The following LRRTM4 variants were observed in gnomAD, a reference collection of about 807,000 sequenced individuals.
The protein encoded by LRRTM4 is leucine-rich repeat transmembrane neuronal protein 4.
LRRTM4 carries 25 observed loss-of-function variants against 47.6 expected under a neutral mutation model. That is an observed-to-expected ratio of 0.53 (90% confidence interval 0.38 to 0.73). The LOEUF is 0.73. Among genes scored for constraint, LRRTM4 ranks in the 30% least tolerant of loss-of-function variants. LRRTM4 has a pLI of 0.00. For synonymous variants in LRRTM4, 311 were observed against 269.5 expected, an observed-to-expected ratio of 1.15 and a Z score of -1.51; for missense variants, 638 against 713.4, an observed-to-expected ratio of 0.89 and a Z score of 1.20.
At chr2:76,804,082 T>A (rs1485597196) in intron 3 of LRRTM4, among the ~76,000 whole-genome samples, 1 of 152,096 alleles carries the variant, frequency 6.6e-6, no homozygotes, top group Non-Finnish European at 1.5e-5. Flanking sequence ...TTACTCCGAG[T>A]GCTGTTTTTC....
At chr2:77,492,782 G>A (rs1423113229) in intron 3 of LRRTM4, among the ~76,000 whole-genome samples, 2 of 151,866 alleles carry the variant, frequency 1.3e-5, no homozygotes, top group Admixed American at 6.6e-5. Context: ...ATAAGCAAAA[G>A]GCAAGACAAA....
At chr2:77,083,633 T>C (rs950503192) in intron 3 of LRRTM4, among the ~76,000 whole-genome samples, 6 of 152,196 alleles carry the variant, frequency 3.9e-5, no homozygotes, top group African/African-American at 1.4e-4. Context: ...ATTCACATAC[T>C]GTAGTTTTCT....
intron 3 of LRRTM4, among the ~76,000 whole-genome samples, chr2:76,808,915 A>T (rs1186050561): frequency 6.6e-6 from 1 of 152,202 alleles, no homozygotes. Flanking sequence ...TAGCAGAGAC[A>T]GTAAAGAATT....
At chr2:77,043,755 T>G (rs1679117463) in intron 3 of LRRTM4, among the ~76,000 whole-genome samples, 1 of 151,822 alleles carries the variant, frequency 6.6e-6, no homozygotes, top group African/African-American at 2.4e-5. Flanking sequence ...GAATTCCTCT[T>G]GCAAATATCC....
chr2:77,035,269 AAAC>A (rs1481110327), intron 3 of LRRTM4, among the ~76,000 whole-genome samples: 72 of 151,630 alleles, frequency 4.7e-4, no homozygotes, highest in African/African-American at 9.2e-4. Flanking sequence ...AAAAACAAAC[AAAC>A]AAACAAACAA....
At chr2:77,351,614 T>TTATA (rs71656252) in intron 3 of LRRTM4, among the ~76,000 whole-genome samples, 7,406 of 135,292 alleles carry the variant, frequency 0.055, 211 homozygotes, top group Admixed American at 0.07. Context: ...CATGACAAAT[T>TTATA]TATATATATA....
At chr2:77,337,682 C>T (rs2104267466) in intron 3 of LRRTM4, among the ~76,000 whole-genome samples, 1 of 152,172 alleles carries the variant, frequency 6.6e-6, no homozygotes, top group Admixed American at 6.5e-5. Flanking sequence ...CTGAGGCTTC[C>T]CCAGCCATGC....
intron 3 of LRRTM4, among the ~76,000 whole-genome samples, chr2:77,369,839 T>C (rs1451789831): frequency 2.0e-5 from 3 of 151,674 alleles, no homozygotes; most frequent in Admixed American, 1.3e-4. Context: ...CTGTAGGCAA[T>C]TGTAACACAA....
intron 3 of LRRTM4, among the ~76,000 whole-genome samples, chr2:76,908,949 C>T (rs1443203338): frequency 2.0e-5 from 3 of 152,300 alleles, no homozygotes; most frequent in East Asian, 1.9e-4. Context: ...ATGCCATCCC[C>T]ATCAAGCTAC....
intron 3 of LRRTM4, among the ~76,000 whole-genome samples, chr2:77,413,119 T>C (rs1290586002): frequency 6.6e-6 from 1 of 152,172 alleles, no homozygotes; most frequent in South Asian, 2.1e-4. Context: ...GGCAAGAACA[T>C]TGACTCAACT....
chr2:77,139,870 C>A (rs973888208), intron 3 of LRRTM4, among the ~76,000 whole-genome samples: 11 of 152,224 alleles, frequency 7.2e-5, no homozygotes, highest in African/African-American at 2.4e-4. Flanking sequence ...AACTCCCATT[C>A]ACAATTGCTT....
At chr2:77,034,396 G>A (rs775130711) in intron 3 of LRRTM4, among the ~76,000 whole-genome samples, 60 of 151,836 alleles carry the variant, frequency 4.0e-4, no homozygotes, top group African/African-American at 1.0e-3. Flanking sequence ...TTTCTTCTAC[G>A]TTTTTCTAGT....
chr2:77,289,979 G>C (rs978134409), intron 3 of LRRTM4, among the ~76,000 whole-genome samples: 3 of 151,754 alleles, frequency 2.0e-5, no homozygotes, highest in African/African-American at 7.3e-5. Context: ...TGTAGTAGTA[G>C]GAAGGATATT....
intron 3 of LRRTM4, among the ~76,000 whole-genome samples, chr2:77,191,626 A>T (rs1673671676): frequency 6.6e-6 from 1 of 151,934 alleles, no homozygotes; most frequent in African/African-American, 2.4e-5. Context: ...ATATATGCTA[A>T]ATTAAAGAAT....
intron 3 of LRRTM4, among the ~76,000 whole-genome samples, chr2:77,365,884 A>C (rs1218550754): frequency 6.7e-6 from 1 of 148,616 alleles, no homozygotes; most frequent in Non-Finnish European, 1.5e-5. Flanking sequence ...GGGATTGTGA[A>C]ATTTTTAATA....
intron 3 of LRRTM4, among the ~76,000 whole-genome samples, chr2:77,110,371 C>G (rs1192900907): frequency 6.6e-6 from 1 of 151,998 alleles, no homozygotes; most frequent in East Asian, 1.9e-4. Flanking sequence ...AAATCAAAAC[C>G]CACTAACACA....
intron 3 of LRRTM4, among the ~76,000 whole-genome samples, chr2:77,323,860 C>A (rs1030987210): frequency 6.6e-6 from 1 of 151,944 alleles, no homozygotes; most frequent in Non-Finnish European, 1.5e-5. Flanking sequence ...TCTTAATTTC[C>A]TTAACCATAA....
intron 3 of LRRTM4, among the ~76,000 whole-genome samples, chr2:77,505,491 T>C (rs1288033844): frequency 1.3e-5 from 2 of 151,428 alleles, no homozygotes; most frequent in African/African-American, 2.4e-5. Flanking sequence ...TGGACCAAAA[T>C]ACAGTAGTCA....
At chr2:77,258,902 C>A (rs1333721681) in intron 3 of LRRTM4, among the ~76,000 whole-genome samples, 1 of 151,260 alleles carries the variant, frequency 6.6e-6, no homozygotes, top group African/African-American at 2.4e-5. Flanking sequence ...AAAATTAAAA[C>A]AAAACAAAAA....
Sources: gnomAD v4.1 joint callset for allele counts (sites outside exome capture counted in the v4.1 genomes callset) on GRCh38, gnomAD v4.1.1 for gene constraint, MANE v1.5 for transcripts, NCBI Gene and HGNC (gene_info 2026-07-23, HGNC 2026-07-21) for gene names.